CHST9: variants seen among roughly 807,000 people sequenced by gnomAD.
The protein encoded by CHST9 is carbohydrate sulfotransferase 9.
Under a neutral mutation model 44.4 loss-of-function variants are expected in CHST9, and 41 were observed. The ratio of observed to expected loss-of-function variants is 0.92; its 90% confidence interval spans 0.72 to 1.20. The LOEUF is 1.20. Ranked by LOEUF, CHST9 falls within the 50% of genes most tolerant of loss-of-function variation. CHST9 has a pLI of 0.00. For missense variants in CHST9, 504 were observed against 516.5 expected, an observed-to-expected ratio of 0.98 and a Z score of 0.23; for synonymous variants, 171 against 178.4, an observed-to-expected ratio of 0.96 and a Z score of 0.33.
intron 2 of CHST9, among the ~76,000 whole-genome samples, chr18:27,077,689 G>A (rs2057918877): frequency 6.6e-6 from 1 of 152,204 alleles, no homozygotes; most frequent in Non-Finnish European, 1.5e-5. Flanking sequence ...CCTCTGAAAT[G>A]TAATACTGTG....
chr18:27,012,475 T>C (rs1356722403), intron 4 of CHST9, among the ~76,000 whole-genome samples: 1 of 152,124 alleles, frequency 6.6e-6, no homozygotes, highest in Non-Finnish European at 1.5e-5. Flanking sequence ...TCACATTGAA[T>C]AGGTAGAGGA....
intron 2 of CHST9, among the ~76,000 whole-genome samples, chr18:27,107,422 A>G (rs540034903): frequency 1.2e-4 from 19 of 152,330 alleles, no homozygotes; most frequent in South Asian, 6.2e-4. Context: ...TGCTTTTTAC[A>G]TAAAAACAGC....
At chr18:27,154,725 C>A (rs1396267343) in intron 1 of CHST9, among the ~76,000 whole-genome samples, 1 of 151,996 alleles carries the variant, frequency 6.6e-6, no homozygotes, top group Non-Finnish European at 1.5e-5. Flanking sequence ...GATTCTGGAG[C>A]CTGACTGCCT....
intron 2 of CHST9, among the ~76,000 whole-genome samples, chr18:27,093,978 T>C (rs1005905065): frequency 6.6e-6 from 1 of 152,184 alleles, no homozygotes; most frequent in African/African-American, 2.4e-5. Context: ...TTTATCTTCA[T>C]GTTAAGTCAG....
intron 4 of CHST9, among the ~76,000 whole-genome samples, chr18:26,986,895 T>A (rs1042543281): frequency 6.6e-6 from 1 of 152,184 alleles, no homozygotes; most frequent in African/African-American, 2.4e-5. Context: ...ATTGAAATAA[T>A]TTATAGAAAA....
chr18:27,106,435 G>A (rs1442554818), intron 2 of CHST9, among the ~76,000 whole-genome samples: 1 of 152,098 alleles, frequency 6.6e-6, no homozygotes, highest in Non-Finnish European at 1.5e-5. Context: ...TCGCCTACTA[G>A]CCCAACCAAT....
At chr18:27,018,112 CTT>C (rs1245645651) in intron 4 of CHST9, among the ~76,000 whole-genome samples, 1 of 152,164 alleles carries the variant, frequency 6.6e-6, no homozygotes, top group Non-Finnish European at 1.5e-5. Context: ...AGTAGTTACA[CTT>C]TGAGAAGAGC....
chr18:27,114,368 T>C (rs2058301521), intron 2 of CHST9, among the ~76,000 whole-genome samples: 1 of 152,228 alleles, frequency 6.6e-6, no homozygotes, highest in Non-Finnish European at 1.5e-5. Context: ...CCTCAATACA[T>C]TTTAGTGTTT....
At chr18:26,944,427 C>T in intron 4 of CHST9, 61 bp from the exon 5 acceptor site, 1 of 1,178,188 alleles carries the variant, frequency 8.5e-7, no homozygotes, top group South Asian at 1.2e-5. Flanking sequence ...AAATGCGGTA[C>T]TGATGCTGCT....
rs991692603 is a variant in CHST9 at position 27,037,040 on chromosome 18, T to A, written c.160+11425A>T. Among the ~76,000 whole-genome samples, 3 of 152,230 alleles carry A rather than the reference T, an allele frequency of 2.0e-5. No homozygotes were observed. The South Asian group carries it at 6.2e-4, about 32-fold the overall frequency. On this transcript the variant is annotated intron_variant, in intron 3 of 5. Transcript: ENST00000618847. ...CATCTACATGCTTATTGGGCACATT[T>A]GTTTTCTGTCGTTTAGAGAGGTCCT... is the stretch of plus-strand genomic sequence containing the variant.
At chr18:26,919,953 C>T (rs1165357342) in intron 5 of CHST9, among the ~76,000 whole-genome samples, 1 of 152,180 alleles carries the variant, frequency 6.6e-6, no homozygotes, top group South Asian at 2.1e-4. Flanking sequence ...GCTTCCAGGA[C>T]ATCACCCAGC....
At chr18:27,008,275 T>C (rs2057041498) in intron 4 of CHST9, among the ~76,000 whole-genome samples, 1 of 152,154 alleles carries the variant, frequency 6.6e-6, no homozygotes, top group South Asian at 2.1e-4. Context: ...GAGAAGAAGA[T>C]GGGGTTGGGA....
chr18:27,131,104 A>C (rs2058467696), intron 2 of CHST9, among the ~76,000 whole-genome samples: 1 of 152,222 alleles, frequency 6.6e-6, no homozygotes, highest in Non-Finnish European at 1.5e-5. Flanking sequence ...TTTTCACTAC[A>C]AACTACTAAC....
rs898495217 is a variant in CHST9 at position 26,912,786 on chromosome 18, G to A, written c.*3473C>T. On this transcript the variant is annotated 3_prime_UTR_variant, in exon 6 of 6. Transcript: ENST00000618847. Reference sequence around the variant, plus strand: ...AAATGTTAGCTAGGATCATGCATACGATTACTGTATAATGATCATGATTGA... The same window carrying A: ...AAATGTTAGCTAGGATCATGCATACAATTACTGTATAATGATCATGATTGA... 3 of 152,190 alleles carry A rather than the reference G, an allele frequency of 2.0e-5. No homozygotes were observed. Among genetic ancestry groups the A allele is most frequent in the Admixed American group, 6.5e-5 (1 of 15,282 alleles). The allele number at this position is 152,190 out of a possible 1,614,324, so 9.4% of individuals were successfully genotyped here. A position where few individuals can be genotyped will look rare whatever the true frequency, so the allele number is the denominator to read the frequency against.
chr18:27,021,435 G>T (rs1018087901), intron 4 of CHST9, among the ~76,000 whole-genome samples: 1 of 152,118 alleles, frequency 6.6e-6, no homozygotes, highest in Non-Finnish European at 1.5e-5. Context: ...AAACTTCTGA[G>T]ATCTGCACTG....
intron 4 of CHST9, among the ~76,000 whole-genome samples, chr18:26,972,178 G>A (rs1032481303): frequency 6.6e-6 from 1 of 151,744 alleles, no homozygotes; most frequent in Non-Finnish European, 1.5e-5. Context: ...CCAACATGGC[G>A]AAAACCCATC....
At chr18:27,000,920 A>G (rs1336305152) in intron 4 of CHST9, among the ~76,000 whole-genome samples, 1 of 152,130 alleles carries the variant, frequency 6.6e-6, no homozygotes, top group Admixed American at 6.5e-5. Flanking sequence ...TTGTCTAATC[A>G]CATCTACTTT....
chr18:27,139,049 T>C (rs1211506027), intron 2 of CHST9, among the ~76,000 whole-genome samples: 1 of 152,194 alleles, frequency 6.6e-6, no homozygotes, highest in Non-Finnish European at 1.5e-5. Flanking sequence ...ACAGCTTCTC[T>C]TTACTTCCAA....
intron 4 of CHST9, among the ~76,000 whole-genome samples, chr18:26,959,224 C>G (rs1318145746): frequency 6.6e-6 from 1 of 152,132 alleles, no homozygotes; most frequent in Non-Finnish European, 1.5e-5. Flanking sequence ...GAACATAAAC[C>G]AAATTCTACA....
Sources: allele counts gnomAD v4.1 joint callset (sites outside exome capture counted in the v4.1 genomes callset), GRCh38; gene constraint gnomAD v4.1.1; transcripts MANE v1.5; gene names NCBI Gene and HGNC (gene_info 2026-07-23, HGNC 2026-07-21).